DAB2IP: variants seen among roughly 807,000 people sequenced by gnomAD.
The protein encoded by DAB2IP is DAB2 interacting protein.
A neutral mutation model predicts 107.2 loss-of-function variants in DAB2IP; 28 were observed. The observed-to-expected ratio is 0.26, with a 90% CI of 0.19 to 0.36. The LOEUF is 0.36. Ranked by LOEUF, DAB2IP falls within the 10% of genes least tolerant of loss-of-function variation. DAB2IP has a pLI of 1.00. For synonymous variants in DAB2IP, 755 were observed against 706.4 expected (o/e 1.07, Z -1.09); for missense variants, 1,400 against 1,644.7 (o/e 0.85, Z 2.57).
chr9:121,780,159 T>G (rs978252564), intron 14 of DAB2IP, among the ~76,000 whole-genome samples: 2 of 152,230 alleles, frequency 1.3e-5, no homozygotes, highest in Admixed American at 6.5e-5. Flanking sequence ...GTGCTGAGAT[T>G]ATAGGCGTGA....
chr9:121,696,508 AG>A (rs1289339569), intron 2 of DAB2IP, among the ~76,000 whole-genome samples: 1 of 152,200 alleles, frequency 6.6e-6, no homozygotes, highest in East Asian at 1.9e-4. Flanking sequence ...CTGCCTCTGA[AG>A]GGACAGCAGA....
At position 121,634,634 on chromosome 9, in the gene DAB2IP, G is replaced by A. The variant is rs1302664168; in HGVS notation, c.41-44044G>A. Among the ~76,000 whole-genome samples the A allele has an allele frequency of 2.6e-5, 4 of 152,200 alleles. No individual in the cohort carries two copies. The highest frequency in any genetic ancestry group is 1.9e-4 in the East Asian group (1 of 5,194). ...TCACTGTCAGCGCCAAAGAGGAAGT[G>A]GGGAGGCCCTCGTGGGAGTGTGGAA... On this transcript the variant is annotated intron_variant, in intron 1 of 16. Coordinates refer to the DAB2IP transcript ENST00000259371. The surrounding 1 kb of genome is among the most constrained non-coding windows in gnomAD (Gnocchi z 4.7).
chr9:121,618,993 A>G (rs568267535), intron 1 of DAB2IP, among the ~76,000 whole-genome samples: 3 of 152,238 alleles, frequency 2.0e-5, no homozygotes, highest in Non-Finnish European at 4.4e-5. Flanking sequence ...TAAAGAGCCA[A>G]TTATGTGGTT....
At chr9:121,738,843 C>T (rs77873761) in intron 3 of DAB2IP, among the ~76,000 whole-genome samples, 1 of 152,254 alleles carries the variant, frequency 6.6e-6, no homozygotes, top group East Asian at 1.9e-4. Flanking sequence ...TGTGTCAGAC[C>T]CTCTCTTAAG....
At chr9:121,568,808 CCA>C (rs1829866103) in intron 1 of DAB2IP, among the ~76,000 whole-genome samples, 1 of 152,206 alleles carries the variant, frequency 6.6e-6, no homozygotes, top group Admixed American at 6.5e-5. Context: ...TCTCAGGAAC[CCA>C]CAGTCCCCAC....
intron 3 of DAB2IP, among the ~76,000 whole-genome samples, chr9:121,746,191 C>T (rs943520487): frequency 1.1e-4 from 16 of 151,960 alleles, no homozygotes; most frequent in Non-Finnish European, 1.9e-4. Flanking sequence ...GCAGGAAGGG[C>T]GTGCGGGAAG....
chr9:121,714,361 G>A (rs983761071), intron 3 of DAB2IP, among the ~76,000 whole-genome samples: 13 of 152,190 alleles, frequency 8.5e-5, no homozygotes, highest in Non-Finnish European at 1.6e-4. Context: ...AAAATGGTTG[G>A]CAAATGACTT....
exon 5 of DAB2IP, chr9:121,758,977 G>A (rs567507053): frequency 9.9e-6 from 16 of 1,612,712 alleles, no homozygotes; most frequent in East Asian, 2.2e-5. Context: ...AACCTCCGGC[G>A]AGCGGTGCAT....
chr9:121,580,634 T>G (rs546251498), intron 1 of DAB2IP, among the ~76,000 whole-genome samples: 44 of 152,034 alleles, frequency 2.9e-4, no homozygotes, highest in Middle Eastern at 3.4e-3. Flanking sequence ...GAACTTTTTT[T>G]TTTTTTCTGA....
At chr9:121,731,209 G>A (rs78623687) in intron 3 of DAB2IP, among the ~76,000 whole-genome samples, 12,338 of 152,244 alleles carry the variant, frequency 0.081, 670 homozygotes, top group Non-Finnish European at 0.12. Flanking sequence ...AGGACAGACC[G>A]GGTGTCTTGT....
At position 121,633,988 on chromosome 9, in the gene DAB2IP, A is replaced by G. The variant is rs903968855; in HGVS notation, c.41-44690A>G. ...CCTGCCCTGTCAGTCAAAATTAGTTACTTCCTCCCTTGTGGTCCCTCTGCC... is the reference window on the plus strand; with the variant it reads ...CCTGCCCTGTCAGTCAAAATTAGTTGCTTCCTCCCTTGTGGTCCCTCTGCC... On this transcript the variant is annotated intron_variant, in intron 1 of 16. Transcript: ENST00000259371. This position sits in a 1 kb window ranked among gnomAD's most constrained non-coding sequence, Gnocchi z 5.1. Among the ~76,000 whole-genome samples, 2 of 151,814 alleles carry G rather than the reference A, an allele frequency of 1.3e-5. No homozygotes were observed. The highest frequency in any genetic ancestry group is 6.6e-5 in the Admixed American group (1 of 15,254).
rs1406372771 is a variant in DAB2IP at position 121,699,061 on chromosome 9, C to T, written c.229-264C>T. On this transcript the variant is annotated intron_variant, in intron 2 of 15. Transcript: ENST00000408936. This position sits in a 1 kb window ranked among gnomAD's most constrained non-coding sequence, Gnocchi z 6.2. ...CGGCCGCGGTCGGCGCGGCTCGGCT[C>T]GGCGTCGCCAAGGCAACAGCGGCTT... Among the ~76,000 whole-genome samples the T allele has an allele frequency of 6.7e-6, 1 of 149,470 alleles. No individual in the cohort carries two copies. Among genetic ancestry groups the T allele is most frequent in the Non-Finnish European group, 1.5e-5 (1 of 67,134 alleles).
chr9:121,716,520 G>C (rs1830612639), intron 3 of DAB2IP, among the ~76,000 whole-genome samples: 4 of 152,228 alleles, frequency 2.6e-5, no homozygotes, highest in African/African-American at 9.6e-5. Context: ...GTCCTGCTCA[G>C]GTTCCATTTC....
In DAB2IP at chr9:121,782,716, C is replaced by G. The variant is rs761585148; in HGVS notation, c.*218C>G. ...GTCACCAGCCGCTCCCTGTGGGGTG[C>G]GGGCAGAAGAGACTGCACGCTGGGG... On this transcript the variant is annotated 3_prime_UTR_variant, in exon 16 of 16. Coordinates refer to ENST00000408936, the Ensembl canonical transcript of DAB2IP. The surrounding 1 kb of genome is among the most constrained non-coding windows in gnomAD (Gnocchi z 6.1). 62 of 1,404,872 alleles carry G rather than the reference C, an allele frequency of 4.4e-5. No individual in the cohort carries two copies. The highest frequency in any genetic ancestry group is 5.6e-5 in the Non-Finnish European group (61 of 1,081,124). 87.0% of individuals were successfully genotyped at this position (1,404,872 alleles called of 1,614,324 possible). A position where few individuals can be genotyped will look rare whatever the true frequency, so the allele number is the denominator to read the frequency against.
At chr9:121,735,768 G>A (rs879563447) in intron 3 of DAB2IP, among the ~76,000 whole-genome samples, 11 of 152,284 alleles carry the variant, frequency 7.2e-5, no homozygotes, top group Non-Finnish European at 1.3e-4. Flanking sequence ...TTCTCTGGTG[G>A]GATGGGAAAA....
chr9:121,779,869 C>G (rs563944468), intron 14 of DAB2IP, among the ~76,000 whole-genome samples: 2 of 152,314 alleles, frequency 1.3e-5, no homozygotes, highest in South Asian at 4.1e-4. Context: ...TGGCTTCTGC[C>G]CTGCAAATCC....
At chr9:121,718,292 C>T (rs574105652) in intron 3 of DAB2IP, among the ~76,000 whole-genome samples, 37 of 152,228 alleles carry the variant, frequency 2.4e-4, no homozygotes, top group Non-Finnish European at 3.8e-4. Context: ...GCTCAGGCAG[C>T]GTTCAGGCAG....
Position 121,643,654 on chromosome 9 carries a change from C to T in DAB2IP, c.41-35024C>T, listed in dbSNP as rs73661801. Among the ~76,000 whole-genome samples the T allele has an allele frequency of 6.2e-3, 938 of 152,154 alleles. 10 individuals are homozygous for T. Among genetic ancestry groups the T allele is most frequent in the African/African-American group, 0.021 (871 of 41,550 alleles). ...GCTATGCAGTCAACTCCTACTCAGC[C>T]GTCTAGCTCCATGCCAGTGTCTCCT... On this transcript the variant is annotated intron_variant, in intron 1 of 16. Transcript: ENST00000259371.
At chr9:121,722,530 A>T (rs751693501) in intron 3 of DAB2IP, among the ~76,000 whole-genome samples, 1 of 152,212 alleles carries the variant, frequency 6.6e-6, no homozygotes, top group Non-Finnish European at 1.5e-5. Flanking sequence ...AGATTTGCCC[A>T]GGAAACTTTC....
Sources: gnomAD v4.1 joint callset for allele counts (sites outside exome capture counted in the v4.1 genomes callset) on GRCh38, gnomAD v4.1.1 for gene constraint, Gnocchi (gnomAD v3.1) non-coding constraint, MANE v1.5 for transcripts, NCBI Gene and HGNC (gene_info 2026-07-23, HGNC 2026-07-21) for gene names.